Variants in SBF2 observed in about 807,000 individuals in gnomAD.
SBF2 encodes the protein SET binding factor 2, also known as myotubularin-related protein 13.
SBF2 carries 112 observed loss-of-function variants against 225.2 expected under a neutral mutation model. The ratio of observed to expected loss-of-function variants is 0.50; its 90% CI spans 0.43 to 0.58. The LOEUF is 0.58. Ranked by LOEUF, SBF2 falls within the 20% of genes least tolerant of loss-of-function variation. The pLI is 0.00. For synonymous variants in SBF2, 763 were observed against 773.3 expected, an observed-to-expected ratio of 0.99 and a Z score of 0.22; for missense variants, 1,996 against 2,206.2, an observed-to-expected ratio of 0.90 and a Z score of 1.91.
chr11:10,075,515 G>A (rs1220438745), intron 2 of SBF2, among the ~76,000 whole-genome samples: 2 of 152,186 alleles, frequency 1.3e-5, no homozygotes, highest in Non-Finnish European at 2.9e-5. Context: ...AAAGGTGATT[G>A]GATCATCGGG....
intron 1 of SBF2, among the ~76,000 whole-genome samples, chr11:10,227,452 T>C (rs1429845578): frequency 6.6e-6 from 1 of 152,194 alleles, no homozygotes; most frequent in African/African-American, 2.4e-5. Context: ...TTTATGGTTT[T>C]AGGTCTAACG....
intron 31 of SBF2, 110 bp from the exon 32 acceptor site, chr11:9,808,295 C>A: frequency 1.0e-6 from 1 of 966,174 alleles, no homozygotes; most frequent in Admixed American, 2.0e-5. Flanking sequence ...TTTACCTGGA[C>A]AGCAAATTTG....
intron 17 of SBF2, among the ~76,000 whole-genome samples, chr11:9,861,938 G>A (rs1370587609): frequency 6.6e-6 from 1 of 152,204 alleles, no homozygotes; most frequent in Non-Finnish European, 1.5e-5. Context: ...GAAAAACGGT[G>A]CAAGACAGAG....
chr11:10,054,070 G>T (rs544417926), intron 2 of SBF2, among the ~76,000 whole-genome samples: 142 of 152,214 alleles, frequency 9.3e-4, no homozygotes, highest in Admixed American at 2.8e-3. Context: ...AGCAGCTTTT[G>T]ATAAAGTATA....
At chr11:10,162,125 C>A (rs1180419928) in intron 2 of SBF2, among the ~76,000 whole-genome samples, 1 of 150,910 alleles carries the variant, frequency 6.6e-6, no homozygotes, top group Non-Finnish European at 1.5e-5. Context: ...CTGGACAGAG[C>A]ATGAGTCTTT....
intron 1 of SBF2, among the ~76,000 whole-genome samples, chr11:10,259,586 C>T (rs1961229482): frequency 6.6e-6 from 1 of 152,144 alleles, no homozygotes; most frequent in African/African-American, 2.4e-5. Flanking sequence ...CAGGGAATCC[C>T]TCACCCTTTG....
intron 16 of SBF2, chr11:9,961,175 C>G (rs929644678): frequency 2.6e-5 from 4 of 152,018 alleles, no homozygotes; most frequent in Non-Finnish European, 4.4e-5. Flanking sequence ...GATACATTTT[C>G]TCATTTATTT....
Position 9,942,699 on chromosome 11 carries a change from C to T in SBF2, c.1860+19258G>A, listed in dbSNP as rs139912845. Among the ~76,000 whole-genome samples, 1,005 of 152,000 alleles carry T rather than the reference C, an allele frequency of 6.6e-3. 5 individuals carry two copies. The highest frequency in any genetic ancestry group is 0.023 in the African/African-American group (973 of 41,442). Reference sequence around the variant, plus strand: ...ACAAAAAATTAGCCAGGCATGGTGGCGTGCACCTGTAGACCCAGCTACCAG... The same window carrying T: ...ACAAAAAATTAGCCAGGCATGGTGGTGTGCACCTGTAGACCCAGCTACCAG... On this transcript the variant is annotated intron_variant, in intron 16 of 39. Coordinates refer to ENST00000256190, the MANE Select transcript of SBF2 (RefSeq NM_030962.4).
rs370515540 is a variant in SBF2, at chr11:10,141,930, A to G, written c.141+51972T>C. 5.9e-5 allele frequency among the ~76,000 whole-genome samples: 9 copies of G among 152,334 alleles called. No homozygotes were observed. In the East Asian group the frequency reaches 1.7e-3, roughly 29 times the overall value. On this transcript the variant is annotated intron_variant, in intron 2 of 39. Coordinates refer to ENST00000256190, the MANE Select transcript of SBF2 (RefSeq NM_030962.4). ...CATTTGATGTAACATTCAGGATAGTAAGAACAGAAGTAAAAGCTATCCATC... is the reference window on the plus strand; with the variant it reads ...CATTTGATGTAACATTCAGGATAGTGAGAACAGAAGTAAAAGCTATCCATC...
chr11:10,102,891 A>C (rs1049792638), intron 2 of SBF2, among the ~76,000 whole-genome samples: 3 of 152,230 alleles, frequency 2.0e-5, no homozygotes, highest in African/African-American at 7.2e-5. Context: ...TGGATTTATA[A>C]AATTTTATTT....
chr11:10,257,695 T>C (rs1484479014), intron 1 of SBF2, among the ~76,000 whole-genome samples: 1 of 73,498 alleles, frequency 1.4e-5, no homozygotes, highest in Non-Finnish European at 2.8e-5. Flanking sequence ...AAAAAAGAAA[T>C]GCTGTACTAA....
At chr11:10,258,069 AATACACACAC>A (rs1349138233) in intron 1 of SBF2, among the ~76,000 whole-genome samples, 1 of 125,106 alleles carries the variant, frequency 8.0e-6, no homozygotes, top group African/African-American at 3.2e-5. Flanking sequence ...AAGAGGTATA[AATACACACAC>A]ATACACACAC....
intron 32 of SBF2, among the ~76,000 whole-genome samples, chr11:9,802,556 G>C (rs1289302424): frequency 6.6e-6 from 1 of 152,220 alleles, no homozygotes; most frequent in African/African-American, 2.4e-5. Flanking sequence ...ACTTGCTGCT[G>C]TGTAATTTTG....
chr11:10,176,191 T>G (rs796135610), intron 2 of SBF2, among the ~76,000 whole-genome samples: 94 of 143,872 alleles, frequency 6.5e-4, no homozygotes, highest in African/African-American at 7.0e-4. Context: ...ATTCAAAGCA[T>G]TGTGTAGAGG....
intron 16 of SBF2, among the ~76,000 whole-genome samples, chr11:9,907,558 A>C (rs1590397271): frequency 6.6e-6 from 1 of 152,252 alleles, no homozygotes; most frequent in Non-Finnish European, 1.5e-5. Context: ...AACATTAAAT[A>C]AACCTACAAA....
chr11:9,869,537 A>G (rs924699916), intron 17 of SBF2, among the ~76,000 whole-genome samples: 89 of 152,128 alleles, frequency 5.9e-4, no homozygotes, highest in Middle Eastern at 3.4e-3. Flanking sequence ...CAGGCTAGTC[A>G]CGGTTCAACA....
intron 35 of SBF2, among the ~76,000 whole-genome samples, chr11:9,788,532 T>C (rs360130): frequency 0.88 from 132,956 of 151,768 alleles, 58,501 homozygotes; most frequent in Non-Finnish European, 0.9. Flanking sequence ...GGGAAGCTGC[T>C]GGAAGGAGTA....
chr11:9,968,404 G>C lies in SBF2; in HGVS notation c.1537C>G (p.Gln513Glu), dbSNP rs1480710758. The C allele has an allele frequency of 2.5e-6, 4 of 1,613,964 alleles. No individual in the cohort carries two copies. Among genetic ancestry groups the C allele is most frequent in the Non-Finnish European group, 3.4e-6 (4 of 1,180,010 alleles). The change falls in exon 14 of 40, where the codon CAG becomes GAG. Residue 513 changes from glutamine (Q) to glutamate (E), a missense_variant. Transcript: ENST00000256190. ...ELIQENVAKNQNAPPATRIEK... is the reference protein window; with the variant it reads ...ELIQENVAKNENAPPATRIEK... ...ATTCGTGTGGCAGGAGGTGCATTCT[G>C]GTTCTTAGCAACATTTTCCTGTATT...
At position 10,031,065 on chromosome 11, in the gene SBF2, A is replaced by C; in HGVS notation, c.385T>G (p.Tyr129Asp). 6.2e-7 allele frequency: 1 copy of C among 1,612,762 alleles called. No homozygotes were observed. Among genetic ancestry groups the C allele is most frequent in the Non-Finnish European group, 8.5e-7 (1 of 1,178,984 alleles). The change falls in exon 4 of 40, where the codon TAT becomes GAT. Residue 129 changes from tyrosine (Y) to aspartate (D), a missense_variant. Tyr to Asp is a radical substitution (Grantham distance 160). Coordinates refer to ENST00000256190, the MANE Select transcript of SBF2 (RefSeq NM_030962.4). ...TTCTTTACCCTAAAAATTTCTGGAT[A>C]ATATAATCTGGATACCAACACCAGG... The part of the protein sequence containing the change: ...KSLVLVSRLY[Y>D]PEIFRACLGL...
Sources: allele counts gnomAD v4.1 joint callset (sites outside exome capture counted in the v4.1 genomes callset), GRCh38; gene constraint gnomAD v4.1.1; transcripts MANE v1.5; gene names NCBI Gene and HGNC (gene_info 2026-07-23, HGNC 2026-07-21).